Variants in NRXN1 observed in about 807,000 individuals in gnomAD.
NRXN1 encodes neurexin-1.
NRXN1 carries 39 observed loss-of-function variants against 150.9 expected under a neutral mutation model. The observed-to-expected ratio is 0.26, with a 90% CI of 0.20 to 0.34. NRXN1 has a LOEUF of 0.34. Among genes scored for constraint, NRXN1 ranks in the 10% least tolerant of loss-of-function variants. NRXN1 has a pLI of 1.00. For synonymous variants in NRXN1, 924 were observed against 757.0 expected (o/e 1.22, Z -3.62); for missense variants, 1,815 against 1,949.9 (o/e 0.93, Z 1.30).
At chr2:50,997,627 C>T (rs1290022922) in intron 2 of NRXN1, among the ~76,000 whole-genome samples, 1 of 140,600 alleles carries the variant, frequency 7.1e-6, no homozygotes, top group African/African-American at 3.0e-5. Context: ...CCTGCCTCAG[C>T]TTCCTGAGTA....
At chr2:50,772,528 G>A (rs1703137502) in intron 5 of NRXN1, among the ~76,000 whole-genome samples, 2 of 151,852 alleles carry the variant, frequency 1.3e-5, no homozygotes, top group Admixed American at 1.3e-4. Context: ...TTGTACAAAG[G>A]AGTTCAGGAG....
chr2:49,987,055 A>C (rs561889348), intron 21 of NRXN1, among the ~76,000 whole-genome samples: 2 of 152,084 alleles, frequency 1.3e-5, no homozygotes, highest in Non-Finnish European at 2.9e-5. Flanking sequence ...AAAAAAAAAG[A>C]AAATATACAT....
intron 5 of NRXN1, among the ~76,000 whole-genome samples, chr2:50,747,100 G>A (rs1700113394): frequency 6.6e-6 from 1 of 152,014 alleles, no homozygotes; most frequent in East Asian, 1.9e-4. Flanking sequence ...ATCATGAGTG[G>A]TAAAGAAGAT....
intron 17 of NRXN1, among the ~76,000 whole-genome samples, chr2:50,320,140 G>A (rs1246098260): frequency 6.6e-6 from 1 of 151,356 alleles, no homozygotes; most frequent in Non-Finnish European, 1.5e-5. Context: ...AGTTTCCACA[G>A]CCTTCTAACA....
chr2:50,665,298 T>A (rs1424823028), intron 5 of NRXN1, among the ~76,000 whole-genome samples: 1 of 151,996 alleles, frequency 6.6e-6, no homozygotes, highest in Non-Finnish European at 1.5e-5. Context: ...ATACTCTGTT[T>A]GAATAGCTGT....
At chr2:51,023,290 C>G (rs1669913345) in intron 2 of NRXN1, among the ~76,000 whole-genome samples, 1 of 152,174 alleles carries the variant, frequency 6.6e-6, no homozygotes, top group African/African-American at 2.4e-5. Context: ...CTTTGCATTA[C>G]TATTTTATCA....
chr2:50,318,579 C>T (rs2075790834), intron 17 of NRXN1, among the ~76,000 whole-genome samples: 1 of 151,790 alleles, frequency 6.6e-6, no homozygotes, highest in South Asian at 2.1e-4. Flanking sequence ...GATTTTTTTT[C>T]ACTCAGTAGA....
At chr2:50,609,318 A>G (rs1187656180) in intron 8 of NRXN1, among the ~76,000 whole-genome samples, 1 of 152,160 alleles carries the variant, frequency 6.6e-6, no homozygotes, top group African/African-American at 2.4e-5. Context: ...AAGAATTTCA[A>G]GATGACAAGA....
At chr2:50,461,544 A>G (rs944731258) in intron 17 of NRXN1, among the ~76,000 whole-genome samples, 1 of 152,024 alleles carries the variant, frequency 6.6e-6, no homozygotes, top group African/African-American at 2.4e-5. Flanking sequence ...GAAAAGGATT[A>G]TTGTGTAGCA....
In NRXN1 at chr2:50,688,699, G is replaced by A. The variant is rs552531565; in HGVS notation, c.833-65084C>T. Among the ~76,000 whole-genome samples the A allele has an allele frequency of 5.3e-5, 8 of 152,200 alleles. 1 individual carries two copies. The South Asian group carries it at 1.7e-3, about 32-fold the overall frequency. On this transcript the variant is annotated intron_variant, in intron 5 of 22. Coordinates refer to ENST00000401669, the MANE Select transcript of NRXN1 (RefSeq NM_001330078.2). ...ATGACAATGGGCATTTTTTGTTGTT[G>A]TTTTTGTTTAAAGCCAACTTACATG... is the stretch of plus-strand genomic sequence containing the variant.
At chr2:50,288,413 G>C (rs558898521) in intron 17 of NRXN1, among the ~76,000 whole-genome samples, 13 of 152,178 alleles carry the variant, frequency 8.5e-5, no homozygotes, top group African/African-American at 2.9e-4. Flanking sequence ...CCACAGTTGA[G>C]AAACTCTCAG....
chr2:50,660,425 T>G (rs1687126849), intron 5 of NRXN1, among the ~76,000 whole-genome samples: 1 of 152,012 alleles, frequency 6.6e-6, no homozygotes, highest in African/African-American at 2.4e-5. Flanking sequence ...CCACACTGTA[T>G]ATGAATATTC....
chr2:50,775,041 T>C (rs140705152), intron 5 of NRXN1, among the ~76,000 whole-genome samples: 1 of 152,306 alleles, frequency 6.6e-6, no homozygotes, highest in African/African-American at 2.4e-5. Context: ...TTTGCATTCC[T>C]ACTGCTCTAC....
rs149913842 is a variant in NRXN1 at position 50,063,675 on chromosome 2, C to T, written c.3719-8631G>A. ...TTCCCTGTGTCCCCTACTGCTCCAC[C>T]AAATTATTCTACTTAATGAATTCTT... On this transcript the variant is annotated intron_variant, in intron 19 of 22. Transcript: ENST00000401669. 6.0e-3 allele frequency among the ~76,000 whole-genome samples: 919 copies of T among 152,040 alleles called. 5 individuals carry two copies. The highest frequency in any genetic ancestry group is 0.028 in the South Asian group (137 of 4,824).
intron 18 of NRXN1, among the ~76,000 whole-genome samples, chr2:50,133,031 T>G (rs1318325684): frequency 1.3e-5 from 2 of 152,110 alleles, no homozygotes; most frequent in Non-Finnish European, 2.9e-5. Context: ...TCCTGTTCCC[T>G]TAGGAAGTGC....
chr2:50,028,527 G>A (rs1454293349), intron 21 of NRXN1, among the ~76,000 whole-genome samples: 1 of 152,148 alleles, frequency 6.6e-6, no homozygotes, highest in South Asian at 2.1e-4. Flanking sequence ...TAAGTTGTTA[G>A]TATCAGCATT....
intron 18 of NRXN1, among the ~76,000 whole-genome samples, chr2:50,142,838 C>G (rs1449989920): frequency 6.6e-6 from 1 of 151,672 alleles, no homozygotes; most frequent in Non-Finnish European, 1.5e-5. Context: ...ATACAACAGA[C>G]TGAGCAAAAG....
intron 17 of NRXN1, among the ~76,000 whole-genome samples, chr2:50,278,244 A>ATATATGTATTATATATATAT (rs1558436763): frequency 4.0e-5 from 5 of 123,664 alleles, no homozygotes; most frequent in African/African-American, 1.3e-4. Flanking sequence ...TATATATAAT[A>ATATATGTATTATATATATAT]TATATATATA....
intron 5 of NRXN1, among the ~76,000 whole-genome samples, chr2:50,782,109 A>C (rs554114530): frequency 6.6e-6 from 1 of 152,306 alleles, no homozygotes; most frequent in East Asian, 1.9e-4. Flanking sequence ...TGCTAAACAA[A>C]AGATTTACCA....
Sources: allele counts gnomAD v4.1 joint callset (sites outside exome capture counted in the v4.1 genomes callset), GRCh38; gene constraint gnomAD v4.1.1; transcripts MANE v1.5; gene names NCBI Gene and HGNC (gene_info 2026-07-23, HGNC 2026-07-21).